DOCK9: variants seen among roughly 807,000 people sequenced by gnomAD.
DOCK9 encodes the protein dedicator of cytokinesis protein 9.
A neutral mutation model predicts 263.3 loss-of-function variants in DOCK9; 89 were observed. The ratio of observed to expected loss-of-function variants is 0.34; its 90% CI spans 0.28 to 0.40. The LOEUF is 0.40. DOCK9 is among the 10% of genes least tolerant of loss of function. The pLI, the probability that DOCK9 is intolerant of heterozygous loss-of-function variation, is 1.00. For synonymous variants in DOCK9, 976 were observed against 973.1 expected, an observed-to-expected ratio of 1.00 and a Z score of -0.06; for missense variants, 2,140 against 2,603.4, an observed-to-expected ratio of 0.82 and a Z score of 3.87.
intron 32 of DOCK9, 51 bp downstream of exon 32, chr13:98,862,968 G>A: frequency 6.7e-7 from 1 of 1,499,960 alleles, no homozygotes; most frequent in Non-Finnish European, 9.1e-7. Flanking sequence ...CTTTGTCCTG[G>A]CTTCCCCGGG....
chr13:98,830,413 C>A (rs1182424839), intron 41 of DOCK9, among the ~76,000 whole-genome samples: 3 of 152,172 alleles, frequency 2.0e-5, no homozygotes, highest in Non-Finnish European at 1.5e-5. Context: ...GTCTCCCTAG[C>A]TGAGGTCTAG....
At chr13:98,847,998 T>A (rs1387495216) in intron 37 of DOCK9, among the ~76,000 whole-genome samples, 25 of 152,068 alleles carry the variant, frequency 1.6e-4, no homozygotes, top group Admixed American at 1.6e-3. Context: ...CACAGGAAAG[T>A]GGGAGTGACG....
chr13:98,841,653 G>A (rs1344993983), intron 38 of DOCK9, among the ~76,000 whole-genome samples: 2 of 137,662 alleles, frequency 1.5e-5, no homozygotes, highest in South Asian at 2.3e-4. Context: ...ACGAAGTCTC[G>A]CTTTGTCACC....
intron 41 of DOCK9, among the ~76,000 whole-genome samples, 156 bp downstream of exon 41, chr13:98,831,192 T>C (rs1166109135): frequency 2.6e-5 from 4 of 152,204 alleles, no homozygotes; most frequent in African/African-American, 7.2e-5. Context: ...TAATGGAACA[T>C]GAAATAAACC....
chr13:98,853,062 A>AT (rs930496170), intron 35 of DOCK9, among the ~76,000 whole-genome samples: 1 of 152,074 alleles, frequency 6.6e-6, no homozygotes, highest in African/African-American at 2.4e-5. Flanking sequence ...ACGAATAAAA[A>AT]TTTTTTTTAA....
intron 2 of DOCK9, among the ~76,000 whole-genome samples, chr13:98,947,488 T>C (rs1293532759): frequency 6.6e-6 from 1 of 151,084 alleles, no homozygotes; most frequent in Non-Finnish European, 1.5e-5. Flanking sequence ...CCTCAAGGTT[T>C]AGATGTGTCT....
At chr13:98,955,667 T>G in intron 1 of DOCK9, 116 bp from the exon 2 acceptor site, 1 of 678,332 alleles carries the variant, frequency 1.5e-6, no homozygotes, top group Non-Finnish European at 2.5e-6. Flanking sequence ...AGTATGCTAG[T>G]TTTGGTATCA....
chr13:98,877,445 G>T (rs1168684874), intron 27 of DOCK9, among the ~76,000 whole-genome samples: 1 of 152,118 alleles, frequency 6.6e-6, no homozygotes, highest in Non-Finnish European at 1.5e-5. Context: ...TTACCTCCCT[G>T]ACCATCTTTC....
intron 32 of DOCK9, among the ~76,000 whole-genome samples, chr13:98,862,373 C>A (rs1250175512): frequency 6.6e-6 from 1 of 152,076 alleles, no homozygotes; most frequent in South Asian, 2.1e-4. Context: ...ACCCTAAACC[C>A]AATCACTAGC....
At chr13:99,005,939 T>C (rs1883263845) in intron 1 of DOCK9, among the ~76,000 whole-genome samples, 1 of 152,136 alleles carries the variant, frequency 6.6e-6, no homozygotes, top group Non-Finnish European at 1.5e-5. Flanking sequence ...AAAAGACAAA[T>C]AGTAAATAAA....
intron 5 of DOCK9, 143 bp from the exon 6 acceptor site, chr13:98,922,289 C>A: frequency 1.8e-6 from 1 of 552,188 alleles, no homozygotes; most frequent in Non-Finnish European, 3.3e-6. Flanking sequence ...ACACCAATGC[C>A]TACAAGTCAC....
intron 2 of DOCK9, among the ~76,000 whole-genome samples, chr13:98,940,174 T>G (rs532281416): frequency 6.6e-6 from 1 of 152,334 alleles, no homozygotes; most frequent in South Asian, 2.1e-4. Context: ...ACCTCACAAT[T>G]CATGTCTTGG....
At chr13:99,068,975 C>T (rs1467265673) in intron 1 of DOCK9, among the ~76,000 whole-genome samples, 2 of 152,174 alleles carry the variant, frequency 1.3e-5, no homozygotes, top group Non-Finnish European at 2.9e-5. Context: ...GTCCTCTAAA[C>T]AATCTTAGAA....
intron 1 of DOCK9, among the ~76,000 whole-genome samples, chr13:98,959,962 C>T (rs1362992821): frequency 3.3e-5 from 5 of 152,114 alleles, no homozygotes; most frequent in Non-Finnish European, 5.9e-5. Context: ...GGCATGGAGG[C>T]GGGGACAGCC....
chr13:98,895,475 G>A (rs2047282140), intron 15 of DOCK9, among the ~76,000 whole-genome samples: 1 of 152,070 alleles, frequency 6.6e-6, no homozygotes, highest in Admixed American at 6.5e-5. Flanking sequence ...GATCAGCCTG[G>A]CCAATATGGT....
At chr13:98,903,149 C>A (rs1427205057) in intron 10 of DOCK9, 37 bp from the exon 11 acceptor site, 2 of 1,431,286 alleles carry the variant, frequency 1.4e-6, no homozygotes, top group African/African-American at 2.9e-5. Flanking sequence ...ATAAGTTATG[C>A]TCTTATTTTA....
chr13:98,932,965 A>G (rs1220937106), intron 2 of DOCK9, among the ~76,000 whole-genome samples: 1 of 152,190 alleles, frequency 6.6e-6, no homozygotes, highest in Non-Finnish European at 1.5e-5. Flanking sequence ...AGACAGGCGC[A>G]ATCTGTACAA....
At chr13:98,867,669 C>T in intron 29 of DOCK9, 133 bp from the exon 30 acceptor site, 1 of 691,108 alleles carries the variant, frequency 1.4e-6, no homozygotes, top group Non-Finnish European at 2.5e-6. Context: ...CACTCTATTG[C>T]ACTGTACAGA....
intron 1 of DOCK9, among the ~76,000 whole-genome samples, chr13:99,050,398 C>T (rs375928368): frequency 7.7e-4 from 117 of 152,196 alleles, no homozygotes; most frequent in African/African-American, 2.7e-3. Context: ...TTCTCCCATC[C>T]AATCAACATG....
Sources: allele counts gnomAD v4.1 joint callset (sites outside exome capture counted in the v4.1 genomes callset), GRCh38; gene constraint gnomAD v4.1.1; transcripts MANE v1.5; gene names NCBI Gene and HGNC (gene_info 2026-07-23, HGNC 2026-07-21).